Variants in CFAP54 observed in about 807,000 individuals in gnomAD.
CFAP54 encodes the protein cilia and flagella associated protein 54.
In CFAP54, 290 loss-of-function variants were observed where a neutral mutation model predicts 370.4. The observed-to-expected ratio is 0.78, with a 90% CI of 0.71 to 0.86. The LOEUF is 0.86. Ranked by LOEUF, CFAP54 falls within the 40% of genes least tolerant of loss-of-function variation. CFAP54 has a pLI of 0.00. For synonymous variants in CFAP54, 1,206 were observed against 1,236.5 expected (o/e 0.98, Z 0.52); for missense variants, 3,399 against 3,528.7 (o/e 0.96, Z 0.93).
At chr12:96,500,457 G>C (rs1955013429) in intron 1 of CFAP54, among the ~76,000 whole-genome samples, 1 of 152,150 alleles carries the variant, frequency 6.6e-6, no homozygotes, top group African/African-American at 2.4e-5. Flanking sequence ...GGGTGATAAT[G>C]ATGTGTCAAT....
In CFAP54 at chr12:96,773,575, A is replaced by G. The variant is rs572655119; in HGVS notation, c.8281+8357A>G. On this transcript the variant is annotated intron_variant, in intron 60 of 67. Coordinates refer to ENST00000524981, the MANE Select transcript of CFAP54 (RefSeq NM_001306084.2). ...CTGGTATATGCACTGATACATTGAC[A>G]TATTTTTCCCTTAAAAATACAAATA... Among the ~76,000 whole-genome samples, 306 of 152,352 alleles carry G rather than the reference A, an allele frequency of 2.0e-3. 1 individual carries two copies. The Middle Eastern group carries it at 0.02, about 10-fold the overall frequency.
chr12:96,558,064 G>T (rs116025036), intron 17 of CFAP54, among the ~76,000 whole-genome samples: 1 of 152,060 alleles, frequency 6.6e-6, no homozygotes, highest in African/African-American at 2.4e-5. Flanking sequence ...GGGAGATGGC[G>T]TAGGAAGGAA....
chr12:96,766,819 G>T (rs1351557309), intron 60 of CFAP54, among the ~76,000 whole-genome samples: 1 of 152,066 alleles, frequency 6.6e-6, no homozygotes, highest in Non-Finnish European at 1.5e-5. Context: ...AGTTTTTAGG[G>T]CAGGGATGAC....
At chr12:96,870,739 CT>C (rs994856516) in intron 67 of CFAP54, among the ~76,000 whole-genome samples, 1 of 152,036 alleles carries the variant, frequency 6.6e-6, no homozygotes, top group East Asian at 1.9e-4. Flanking sequence ...AGCAGAGTGG[CT>C]TTTATTGAAC....
intron 66 of CFAP54, among the ~76,000 whole-genome samples, chr12:96,834,226 C>T (rs1959179155): frequency 6.6e-6 from 1 of 152,204 alleles, no homozygotes; most frequent in Non-Finnish European, 1.5e-5. Context: ...GAGACACAGT[C>T]ATGGGAGGGT....
At chr12:96,824,298 G>A (rs1185308436) in intron 65 of CFAP54, among the ~76,000 whole-genome samples, 1 of 152,142 alleles carries the variant, frequency 6.6e-6, no homozygotes, top group East Asian at 1.9e-4. Context: ...CTCAAGTAAT[G>A]CCAGATTAAA....
intron 65 of CFAP54, among the ~76,000 whole-genome samples, chr12:96,823,906 C>T (rs141839322): frequency 1.2e-3 from 184 of 152,088 alleles, no homozygotes; most frequent in African/African-American, 4.1e-3. Flanking sequence ...GAAGGAGAGA[C>T]GAGGGAAGCA....
intron 65 of CFAP54, among the ~76,000 whole-genome samples, chr12:96,820,053 G>A (rs950812452): frequency 9.9e-5 from 15 of 152,088 alleles, no homozygotes; most frequent in South Asian, 6.2e-4. Flanking sequence ...TGTGGGAATC[G>A]GGGATGAGCA....
rs756775917 is a variant in CFAP54 at position 96,638,205 on chromosome 12, ATGTGTGTGTG to A, written c.4317-5945_4317-5936del. 6.5e-5 allele frequency among the ~76,000 whole-genome samples: 8 copies of A among 122,656 alleles called. No homozygotes were observed. The East Asian group carries it at 7.2e-4, about 11-fold the overall frequency. The allele number at this position is 122,656 out of a possible 152,430, so 80.5% of individuals were successfully genotyped here. On this transcript the variant is annotated intron_variant, in intron 32 of 67. Coordinates refer to ENST00000524981, the MANE Select transcript of CFAP54 (RefSeq NM_001306084.2). ...GCATCATATATATATATATATATGC[ATGTGTGTGTG>A]TGTGTGTGTGTGTGTGTGTGTGTGT...
Position 96,489,640 on chromosome 12 carries a change from C to A in CFAP54, c.31C>A (p.Pro11Thr). 3 of 1,529,354 alleles carry A rather than the reference C, an allele frequency of 2.0e-6. No homozygotes were observed. The highest frequency in any genetic ancestry group is 2.6e-6 in the Non-Finnish European group (3 of 1,141,532). The allele number at this position is 1,529,354 out of a possible 1,614,324, so 94.7% of individuals were successfully genotyped here. A position where few individuals can be genotyped will look rare whatever the true frequency, so the allele number is the denominator to read the frequency against. ...GGCGCAGGGCTCCCCCTCGAGCTCT[C>A]CGTCAGACGACTCTACCACCTCGGG... MAAQGSPSSS[P>T]SDDSTTSGSL... Residue 11 changes from proline to threonine, a missense_variant, in exon 1 of 68, where the codon CCG becomes ACG. Transcript: ENST00000524981.
chr12:96,555,562 A>G (rs1955743157), intron 17 of CFAP54, among the ~76,000 whole-genome samples: 2 of 146,738 alleles, frequency 1.4e-5, no homozygotes, highest in African/African-American at 2.4e-5. Context: ...AATATATAAT[A>G]CATAATATAT....
chr12:96,844,712 AGT>A (rs1959289638), intron 66 of CFAP54, among the ~76,000 whole-genome samples: 1 of 152,160 alleles, frequency 6.6e-6, no homozygotes, highest in Non-Finnish European at 1.5e-5. Flanking sequence ...AGTTGCCCAA[AGT>A]CTCTCAGCTA....
chr12:96,795,791 C>T (rs1958755307), intron 63 of CFAP54, among the ~76,000 whole-genome samples: 1 of 152,148 alleles, frequency 6.6e-6, no homozygotes, highest in Admixed American at 6.5e-5. Context: ...TTGCCCCCTC[C>T]TCCAGATTCT....
At chr12:96,764,972 G>T in intron 59 of CFAP54, 105 bp from the exon 60 acceptor site, 1 of 861,542 alleles carries the variant, frequency 1.2e-6, no homozygotes, top group Non-Finnish European at 1.6e-6. Flanking sequence ...CAATGTATAA[G>T]GAATATTATT....
chr12:96,860,722 A>G lies in CFAP54; in HGVS notation c.9172-97A>G, dbSNP rs1037611638. ...GAGACACACAAGTTAGCTATCTTTC[A>G]TATAAAATTATTAGAAATTGCTATT... is the stretch of plus-strand genomic sequence containing the variant. On this transcript the variant is annotated intron_variant, in intron 66 of 67. Coordinates refer to ENST00000524981, the MANE Select transcript of CFAP54 (RefSeq NM_001306084.2). 1.6e-5 allele frequency: 20 copies of G among 1,232,726 alleles called. No homozygotes were observed. In the African/African-American group the frequency reaches 2.9e-4, roughly 18 times the overall value. 76.4% of individuals were successfully genotyped at this position (1,232,726 alleles called of 1,614,324 possible). A position where few individuals can be genotyped will look rare whatever the true frequency, so the allele number is the denominator to read the frequency against.
intron 24 of CFAP54, 28 bp from the exon 25 acceptor site, chr12:96,594,263 C>T: frequency 4.1e-6 from 6 of 1,478,724 alleles, no homozygotes; most frequent in Non-Finnish European, 4.5e-6. Context: ...TATGTTCAAT[C>T]TGAGTAACAA....
At position 96,819,872 on chromosome 12, in the gene CFAP54, C is replaced by G. The variant is rs77097454; in HGVS notation, c.9096+1959C>G. On this transcript the variant is annotated intron_variant, in intron 65 of 67. Transcript: ENST00000524981. ...CTGTTGCAGTTGAAGACTGAATGCT[C>G]TCATGCCTGCTGCATAGCCCTGCTT... Among the ~76,000 whole-genome samples the G allele has an allele frequency of 9.6e-3, 1,455 of 152,306 alleles. 55 individuals are homozygous for G. In the East Asian group the frequency reaches 0.1, roughly 10 times the overall value.
At chr12:96,554,598 G>C in intron 16 of CFAP54, 78 bp from the exon 17 acceptor site, 1 of 1,322,098 alleles carries the variant, frequency 7.6e-7, no homozygotes. Context: ...ATGATAACTT[G>C]AGTGATAATA....
intron 5 of CFAP54, among the ~76,000 whole-genome samples, chr12:96,514,767 G>A (rs1565880819): frequency 6.6e-6 from 1 of 152,142 alleles, no homozygotes; most frequent in South Asian, 2.1e-4. Context: ...TATACCTTGA[G>A]TTTGTCTCTG....
Sources: gnomAD v4.1 joint callset for allele counts (sites outside exome capture counted in the v4.1 genomes callset) on GRCh38, gnomAD v4.1.1 for gene constraint, MANE v1.5 for transcripts, NCBI Gene and HGNC (gene_info 2026-07-23, HGNC 2026-07-21) for gene names.